The following BRINP3 variants were observed in gnomAD, a reference collection of about 807,000 sequenced individuals.
BRINP3 encodes the protein BMP/retinoic acid-inducible neural-specific protein 3.
In BRINP3, 19 loss-of-function variants were observed where a neutral mutation model predicts 71.0. That is an observed-to-expected ratio of 0.27 (90% CI 0.19 to 0.39). BRINP3 has a LOEUF of 0.39. Among genes scored for constraint, BRINP3 ranks in the 10% least tolerant of loss-of-function variants. BRINP3 has a pLI of 1.00. For missense variants in BRINP3, 959 were observed against 940.8 expected (o/e 1.02, Z -0.25); for synonymous variants, 380 against 337.7 (o/e 1.13, Z -1.37).
intron 4 of BRINP3, among the ~76,000 whole-genome samples, chr1:190,247,298 T>C (rs1159737177): frequency 1.3e-5 from 2 of 151,894 alleles, no homozygotes; most frequent in Admixed American, 1.3e-4. Context: ...CTGCAATACC[T>C]GTGGAAGGAA....
In BRINP3 at chr1:190,134,328, T is replaced by A. The variant is rs531979756; in HGVS notation, c.1184+26340A>T. ...CTTGGCAAGACAGGGATAACAAAGA[T>A]CAATGTTGCTGTAACATCATGAGTT... On this transcript the variant is annotated intron_variant, in intron 7 of 7. Coordinates refer to ENST00000367462, the MANE Select transcript of BRINP3 (RefSeq NM_199051.3). 1.4e-3 allele frequency among the ~76,000 whole-genome samples: 212 copies of A among 152,020 alleles called. 2 individuals are homozygous for A. The highest frequency in any genetic ancestry group is 4.8e-3 in the African/African-American group (201 of 41,498).
At chr1:190,377,324 G>A (rs939630915) in intron 2 of BRINP3, among the ~76,000 whole-genome samples, 1 of 151,642 alleles carries the variant, frequency 6.6e-6, no homozygotes, top group African/African-American at 2.4e-5. Context: ...TTTTCCAGAC[G>A]GCAATAAAAC....
At chr1:190,139,140 C>T (rs565871772) in intron 7 of BRINP3, among the ~76,000 whole-genome samples, 12 of 150,858 alleles carry the variant, frequency 8.0e-5, no homozygotes, top group South Asian at 4.2e-4. Flanking sequence ...GTCAGAAGAC[C>T]GCATCATAGA....
intron 7 of BRINP3, among the ~76,000 whole-genome samples, chr1:190,105,506 C>T (rs1652074660): frequency 6.6e-6 from 1 of 152,096 alleles, no homozygotes; most frequent in African/African-American, 2.4e-5. Context: ...ACAACTCTCA[C>T]TACTCCCTGA....
chr1:190,099,104 C>T lies in BRINP3; in HGVS notation c.1215G>A (p.Gln405=), dbSNP rs762332585. The part of the protein sequence containing the change: ...RTSTYWLTRI[Q]SFLYCNENGL... ...CGTTCTCATTGCAGTAGAGAAAAGA[C>T]TGGATGCGAGTAAGCCAGTAGGTTG... The change falls in exon 8 of 8, where the codon CAG becomes CAA. Residue 405 remains glutamine (Q), a synonymous_variant. Coordinates refer to ENST00000367462, the MANE Select transcript of BRINP3 (RefSeq NM_199051.3). 4.3e-6 allele frequency: 7 copies of T among 1,613,922 alleles called. No homozygotes were observed. The highest frequency in any genetic ancestry group is 5.1e-6 in the Non-Finnish European group (6 of 1,179,968).
intron 2 of BRINP3, among the ~76,000 whole-genome samples, chr1:190,333,568 A>C (rs1379137396): frequency 3.9e-5 from 6 of 151,996 alleles, no homozygotes; most frequent in Non-Finnish European, 4.4e-5. Flanking sequence ...TTAATGATGA[A>C]ATATATCAAA....
chr1:190,184,187 T>C (rs1653298499), intron 6 of BRINP3, among the ~76,000 whole-genome samples: 1 of 152,182 alleles, frequency 6.6e-6, no homozygotes, highest in African/African-American at 2.4e-5. Context: ...TCATGTTGAT[T>C]TTTACATAGA....
intron 2 of BRINP3, among the ~76,000 whole-genome samples, chr1:190,366,471 A>C (rs1669509242): frequency 6.6e-6 from 1 of 152,072 alleles, no homozygotes; most frequent in Non-Finnish European, 1.5e-5. Flanking sequence ...TCAAGATGAG[A>C]TTTGGGTGAG....
chr1:190,466,195 G>T (rs1019169132), intron 1 of BRINP3, among the ~76,000 whole-genome samples: 1 of 151,202 alleles, frequency 6.6e-6, no homozygotes, highest in African/African-American at 2.4e-5. Flanking sequence ...TATAAAAATG[G>T]TTCAGCAAAG....
intron 7 of BRINP3, among the ~76,000 whole-genome samples, chr1:190,145,452 T>G (rs969000581): frequency 2.6e-5 from 4 of 152,216 alleles, no homozygotes; most frequent in Admixed American, 2.0e-4. Flanking sequence ...TGAACTGCTT[T>G]CTTTAGAGTC....
intron 2 of BRINP3, among the ~76,000 whole-genome samples, chr1:190,437,458 C>T (rs1674538925): frequency 1.3e-5 from 2 of 151,726 alleles, no homozygotes; most frequent in South Asian, 4.1e-4. Context: ...CTATCATATC[C>T]AGGGTCCTTA....
intron 2 of BRINP3, among the ~76,000 whole-genome samples, chr1:190,330,902 T>C (rs1288473071): frequency 6.6e-6 from 1 of 151,898 alleles, no homozygotes; most frequent in Admixed American, 6.6e-5. Context: ...CATGTTCTCA[T>C]TAATAAGTGG....
intron 1 of BRINP3, among the ~76,000 whole-genome samples, chr1:190,467,684 T>C (rs1676852514): frequency 6.6e-6 from 1 of 151,578 alleles, no homozygotes; most frequent in African/African-American, 2.4e-5. Flanking sequence ...ATATACAATT[T>C]TGAGAACACT....
intron 6 of BRINP3, among the ~76,000 whole-genome samples, chr1:190,192,641 G>T (rs1328193347): frequency 6.6e-6 from 1 of 151,642 alleles, no homozygotes; most frequent in East Asian, 1.9e-4. Context: ...AGTTCTCTAT[G>T]ACCCTCAAAA....
chr1:190,382,506 G>A (rs947220228), intron 2 of BRINP3, among the ~76,000 whole-genome samples: 4 of 152,074 alleles, frequency 2.6e-5, no homozygotes, highest in African/African-American at 4.8e-5. Context: ...AGATCACAAT[G>A]AGCAAAGATT....
At chr1:190,349,747 A>G (rs1230071164) in intron 2 of BRINP3, among the ~76,000 whole-genome samples, 1 of 152,140 alleles carries the variant, frequency 6.6e-6, no homozygotes, top group African/African-American at 2.4e-5. Context: ...AAATATGAAA[A>G]GTAAGGATTT....
At chr1:190,301,214 T>TAC (rs1264756341) in intron 2 of BRINP3, among the ~76,000 whole-genome samples, 1 of 66,988 alleles carries the variant, frequency 1.5e-5, no homozygotes, top group Non-Finnish European at 3.5e-5. Flanking sequence ...CATATATATA[T>TAC]ATATATATAT....
chr1:190,139,149 GA>G (rs11313193), intron 7 of BRINP3, among the ~76,000 whole-genome samples: 4,356 of 143,314 alleles, frequency 0.03, 197 homozygotes, highest in African/African-American at 0.1. Context: ...CCGCATCATA[GA>G]AAAAAAAAAA....
chr1:190,376,879 G>A (rs576091271), intron 2 of BRINP3, among the ~76,000 whole-genome samples: 1 of 152,030 alleles, frequency 6.6e-6, no homozygotes, highest in East Asian at 1.9e-4. Context: ...TAGCCATGAA[G>A]ATAAAGAAAG....
Sources: gnomAD v4.1 joint callset for allele counts (sites outside exome capture counted in the v4.1 genomes callset) on GRCh38, gnomAD v4.1.1 for gene constraint, MANE v1.5 for transcripts, NCBI Gene and HGNC (gene_info 2026-07-23, HGNC 2026-07-21) for gene names.